The following MAGI2 variants were observed in gnomAD, a reference collection of about 807,000 sequenced individuals.
MAGI2 encodes membrane associated guanylate kinase, WW and PDZ domain containing 2.
Under a neutral mutation model 133.3 loss-of-function variants are expected in MAGI2, and 35 were observed. That is an observed-to-expected ratio of 0.26 (90% CI 0.20 to 0.35). The LOEUF (loss-of-function observed/expected upper bound fraction) is 0.35, where lower values mean the gene tolerates loss of function less well. Ranked by LOEUF, MAGI2 falls within the 10% of genes least tolerant of loss-of-function variation. The pLI is 1.00. For missense variants in MAGI2, 1,636 were observed against 1,863.4 expected (o/e 0.88, Z 2.25); for synonymous variants, 729 against 710.6 (o/e 1.03, Z -0.41).
chr7:78,039,379 C>T (rs1422000285), intron 21 of MAGI2, among the ~76,000 whole-genome samples: 4 of 152,358 alleles, frequency 2.6e-5, no homozygotes, highest in South Asian at 2.1e-4. Context: ...TTCCTGCCTT[C>T]AAGAGAGAGT....
At chr7:78,671,281 C>CT (rs34087973) in intron 2 of MAGI2, among the ~76,000 whole-genome samples, 189 of 144,068 alleles carry the variant, frequency 1.3e-3, no homozygotes, top group Non-Finnish European at 2.0e-3. Flanking sequence ...CTCTCTCTCT[C>CT]TTTTTTTTTT....
chr7:78,539,776 C>T (rs1467467479), intron 3 of MAGI2, among the ~76,000 whole-genome samples: 1 of 152,194 alleles, frequency 6.6e-6, no homozygotes, highest in Non-Finnish European at 1.5e-5. Flanking sequence ...TGGATACCAA[C>T]ACCTGCTCTG....
At chr7:78,600,398 TTAAAA>T (rs531781541) in intron 3 of MAGI2, among the ~76,000 whole-genome samples, 4 of 152,108 alleles carry the variant, frequency 2.6e-5, no homozygotes, top group Non-Finnish European at 5.9e-5. Context: ...AAAAAAAGGT[TTAAAA>T]TATAGATATT....
intron 2 of MAGI2, among the ~76,000 whole-genome samples, chr7:78,758,933 T>G (rs1221300363): frequency 1.3e-5 from 2 of 152,204 alleles, no homozygotes; most frequent in Non-Finnish European, 2.9e-5. Context: ...AAATAATTTG[T>G]TTACACGTCT....
intron 2 of MAGI2, among the ~76,000 whole-genome samples, chr7:78,682,430 G>A (rs1261881940): frequency 6.6e-6 from 1 of 152,108 alleles, no homozygotes; most frequent in South Asian, 2.1e-4. Flanking sequence ...GTGTCCATGT[G>A]TTCTCATTGT....
At chr7:78,302,894 A>G (rs1797952002) in intron 9 of MAGI2, among the ~76,000 whole-genome samples, 1 of 152,170 alleles carries the variant, frequency 6.6e-6, no homozygotes, top group African/African-American at 2.4e-5. Flanking sequence ...CTCTTAGCAC[A>G]TCCATCTATT....
chr7:78,105,277 T>C (rs1818569732), intron 20 of MAGI2, among the ~76,000 whole-genome samples: 1 of 152,172 alleles, frequency 6.6e-6, no homozygotes, highest in African/African-American at 2.4e-5. Context: ...TAGGGTCATT[T>C]CCAGTTTTTT....
intron 11 of MAGI2, among the ~76,000 whole-genome samples, chr7:78,200,634 A>G (rs1829161963): frequency 6.6e-6 from 1 of 152,182 alleles, no homozygotes; most frequent in Non-Finnish European, 1.5e-5. Flanking sequence ...CATTATATGT[A>G]TACATACACA....
At chr7:79,423,030 T>G (rs1315911768) in intron 1 of MAGI2, among the ~76,000 whole-genome samples, 1 of 151,998 alleles carries the variant, frequency 6.6e-6, no homozygotes, top group East Asian at 1.9e-4. Flanking sequence ...GGTAGATAAA[T>G]TCACAAGATT....
intron 21 of MAGI2, among the ~76,000 whole-genome samples, chr7:78,073,280 G>A (rs1054131875): frequency 2.0e-5 from 3 of 151,832 alleles, no homozygotes; most frequent in Admixed American, 6.6e-5. Flanking sequence ...AAATGAAAGC[G>A]TAGGCAGAAG....
chr7:78,911,266 A>G (rs141005831), intron 2 of MAGI2, among the ~76,000 whole-genome samples: 1 of 152,314 alleles, frequency 6.6e-6, no homozygotes, highest in East Asian at 1.9e-4. Flanking sequence ...TATAAAAGTT[A>G]AAAAGTCACA....
chr7:78,672,677 G>C (rs1814536172), intron 2 of MAGI2, among the ~76,000 whole-genome samples: 1 of 152,168 alleles, frequency 6.6e-6, no homozygotes, highest in African/African-American at 2.4e-5. Flanking sequence ...GTTCTCACAG[G>C]CCAGGAGAAT....
intron 1 of MAGI2, among the ~76,000 whole-genome samples, chr7:79,389,970 A>G (rs1383487135): frequency 2.0e-5 from 3 of 152,194 alleles, no homozygotes; most frequent in Non-Finnish European, 4.4e-5. Flanking sequence ...GGTGCTTTTT[A>G]AGTAACAGAA....
intron 1 of MAGI2, among the ~76,000 whole-genome samples, chr7:79,148,732 T>C (rs1822888274): frequency 6.6e-6 from 1 of 151,848 alleles, no homozygotes; most frequent in Non-Finnish European, 1.5e-5. Flanking sequence ...GGGCAGCAGA[T>C]TGGGACCCAG....
chr7:78,049,087 A>G (rs1481238113), intron 21 of MAGI2, among the ~76,000 whole-genome samples: 1 of 145,550 alleles, frequency 6.9e-6, no homozygotes, highest in Non-Finnish European at 1.5e-5. Flanking sequence ...CAGCCTGCGC[A>G]ACAGAGTGAG....
intron 2 of MAGI2, among the ~76,000 whole-genome samples, chr7:78,813,612 C>T (rs112386728): frequency 0.032 from 4,915 of 151,878 alleles, 131 homozygotes; most frequent in Admixed American, 0.085. Flanking sequence ...AGTGAAACAC[C>T]GTCTCTACTA....
At chr7:79,443,417 C>A (rs537586177) in intron 1 of MAGI2, among the ~76,000 whole-genome samples, 7 of 151,322 alleles carry the variant, frequency 4.6e-5, no homozygotes, top group Non-Finnish European at 1.0e-4. Flanking sequence ...CTTAAAAAAA[C>A]AAAACAAAAC....
chr7:78,433,236 C>CCTAAGTAGT (rs1250349609), intron 6 of MAGI2, among the ~76,000 whole-genome samples: 2 of 151,996 alleles, frequency 1.3e-5, no homozygotes, highest in Non-Finnish European at 2.9e-5. Flanking sequence ...AGCTTAACTA[C>CCTAAGTAGT]CTAAGTAGTT....
intron 1 of MAGI2, among the ~76,000 whole-genome samples, chr7:79,330,062 A>G (rs1839951895): frequency 6.6e-6 from 1 of 152,124 alleles, no homozygotes; most frequent in Non-Finnish European, 1.5e-5. Context: ...GTATAGTTGC[A>G]TATTAAAACC....
Sources: gnomAD v4.1 joint callset for allele counts (sites outside exome capture counted in the v4.1 genomes callset) on GRCh38, gnomAD v4.1.1 for gene constraint, MANE v1.5 for transcripts, NCBI Gene and HGNC (gene_info 2026-07-23, HGNC 2026-07-21) for gene names.